NSG1: variants seen among roughly 807,000 people sequenced by gnomAD.
NSG1 encodes neuronal vesicle trafficking associated 1, also known as neuronal vesicle trafficking-associated protein 1.
NSG1 carries 9 observed loss-of-function variants against 19.3 expected under a neutral mutation model. That is an observed-to-expected ratio of 0.47 (90% confidence interval 0.28 to 0.81). The LOEUF (loss-of-function observed/expected upper bound fraction) is 0.81. Among genes scored for constraint, NSG1 ranks in the 40% least tolerant of loss-of-function variants. The probability of loss-of-function intolerance (pLI) is 0.11; values close to 1 mark genes in which losing one functional copy is unlikely to be tolerated. For missense variants in NSG1, 236 were observed against 242.4 expected, an observed-to-expected ratio of 0.97 and a Z score of 0.18; for synonymous variants, 104 against 107.0, an observed-to-expected ratio of 0.97 and a Z score of 0.17.
chr4:4,405,472 G>C (rs1248560632), intron 3 of NSG1, among the ~76,000 whole-genome samples: 4 of 152,184 alleles, frequency 2.6e-5, no homozygotes, highest in African/African-American at 9.7e-5. Flanking sequence ...CAGGGTGTAA[G>C]GCATGGTTCC....
Position 4,419,011 on chromosome 4 carries a change from A to T in NSG1, c.*1576A>T, listed in dbSNP as rs532666277. Reference sequence around the variant, plus strand: ...CTTTATTGACTGTGAATTCATTTACATGTAACTTCTGACATTTCACTCTGT... The same window carrying T: ...CTTTATTGACTGTGAATTCATTTACTTGTAACTTCTGACATTTCACTCTGT... On this transcript the variant is annotated 3_prime_UTR_variant, in exon 5 of 5. Transcript: ENST00000621129. 1.3e-5 allele frequency: 2 copies of T among 152,270 alleles called. No homozygotes were observed. The highest frequency in any genetic ancestry group is 2.9e-5 in the Non-Finnish European group (2 of 68,056). 9.4% of individuals were successfully genotyped at this position (152,270 alleles called of 1,614,324 possible).
intron 3 of NSG1, among the ~76,000 whole-genome samples, chr4:4,404,807 G>A (rs974049687): frequency 6.6e-6 from 1 of 152,172 alleles, no homozygotes; most frequent in Non-Finnish European, 1.5e-5. Flanking sequence ...TGGGCTCCTT[G>A]GTGCCTGCAT....
chr4:4,403,162 C>T (rs1459228486), intron 3 of NSG1, among the ~76,000 whole-genome samples: 1 of 152,244 alleles, frequency 6.6e-6, no homozygotes, highest in Non-Finnish European at 1.5e-5. Flanking sequence ...GTGTGAATCA[C>T]AGCCCTGCCC....
chr4:4,416,764 CT>C (rs1282054482), intron 4 of NSG1, among the ~76,000 whole-genome samples: 1 of 152,178 alleles, frequency 6.6e-6, no homozygotes, highest in Admixed American at 6.5e-5. Context: ...CCCAAGGCCC[CT>C]CTCTGCTCTG....
chr4:4,396,446 A>C (rs961841684), intron 3 of NSG1, among the ~76,000 whole-genome samples: 3 of 152,202 alleles, frequency 2.0e-5, no homozygotes, highest in Non-Finnish European at 4.4e-5. Flanking sequence ...CTCACCGGGT[A>C]CCATGTCACC....
At chr4:4,409,487 G>T (rs1003275857) in intron 3 of NSG1, 86 bp from the exon 4 acceptor site, 2 of 962,162 alleles carry the variant, frequency 2.1e-6, no homozygotes, top group Non-Finnish European at 1.7e-6. Context: ...CACATGCTGT[G>T]TGGGGGGGGG....
At chr4:4,409,122 G>C (rs181951021) in intron 3 of NSG1, among the ~76,000 whole-genome samples, 1 of 152,236 alleles carries the variant, frequency 6.6e-6, no homozygotes, top group Non-Finnish European at 1.5e-5. Flanking sequence ...GTGTCCATGC[G>C]ACACTGCGTC....
At chr4:4,410,047 G>A (rs1577293561) in intron 4 of NSG1, among the ~76,000 whole-genome samples, 1 of 152,332 alleles carries the variant, frequency 6.6e-6, no homozygotes. Context: ...GGAGAGAGAC[G>A]GGACCATGTC....
At chr4:4,411,776 A>ACACAACACAACACAACACAAC (rs1553819745) in intron 4 of NSG1, among the ~76,000 whole-genome samples, 5,588 of 132,572 alleles carry the variant, frequency 0.042, 392 homozygotes, top group African/African-American at 0.14. Flanking sequence ...AACAAAACAA[A>ACACAACACAACACAACACAAC]ACAAAACAAA....
chr4:4,395,505 G>A (rs1242249100), intron 3 of NSG1, among the ~76,000 whole-genome samples: 4 of 152,174 alleles, frequency 2.6e-5, no homozygotes, highest in Non-Finnish European at 4.4e-5. Flanking sequence ...ACAATGAGGC[G>A]TGTGTGAAGC....
At chr4:4,402,841 G>A (rs1435847022) in intron 3 of NSG1, among the ~76,000 whole-genome samples, 4 of 152,220 alleles carry the variant, frequency 2.6e-5, no homozygotes, top group Admixed American at 6.5e-5. Context: ...AGACTGCCTG[G>A]CCCACCTGGA....
In NSG1 at chr4:4,414,796, C is replaced by T. The variant is rs1034682403; in HGVS notation, c.358-2439C>T. Among the ~76,000 whole-genome samples the T allele has an allele frequency of 3.9e-5, 6 of 152,176 alleles. No homozygotes were observed. The East Asian group carries it at 7.8e-4, about 20-fold the overall frequency. On this transcript the variant is annotated intron_variant, in intron 4 of 4. Coordinates refer to ENST00000621129, the MANE Select transcript of NSG1 (RefSeq NM_014392.5). ...TACTATGTGCACACTGGACTCGACA[C>T]CTTGAGGGCAGGGACCTCAGAGCCC...
rs144849486 is a variant in NSG1, at chr4:4,407,709, A to T, written c.247-1864A>T. Reference sequence around the variant, plus strand: ...AGGCAGGGGATGAGCTGCAGTGACTAGTGTGGCTCTCCAGGCATCTGCAGC... The same window carrying T: ...AGGCAGGGGATGAGCTGCAGTGACTTGTGTGGCTCTCCAGGCATCTGCAGC... On this transcript the variant is annotated intron_variant, in intron 3 of 4. Transcript: ENST00000621129. Among the ~76,000 whole-genome samples, 311 of 152,230 alleles carry T rather than the reference A, an allele frequency of 2.0e-3. 4 individuals carry two copies. Among genetic ancestry groups the T allele is most frequent in the Admixed American group, 9.9e-3 (152 of 15,304 alleles).
rs1039475519 is a variant in NSG1 at position 4,392,925 on chromosome 4, A to C, written c.246+1334A>C. The stretch of plus-strand genomic sequence containing the variant: ...CTTTTGGTGGCTCCTGGCTCGGCCC[A>C]TCGTACGTTTTTGAGGTTCTTGGCC... On this transcript the variant is annotated intron_variant, in intron 3 of 4. Coordinates refer to ENST00000621129, the MANE Select transcript of NSG1 (RefSeq NM_014392.5). Among the ~76,000 whole-genome samples, 50 of 152,044 alleles carry C rather than the reference A, an allele frequency of 3.3e-4. No individual in the cohort carries two copies. In the Middle Eastern group the frequency reaches 0.01, roughly 31 times the overall value.
intron 3 of NSG1, among the ~76,000 whole-genome samples, chr4:4,408,039 C>T (rs1273144228): frequency 6.6e-6 from 1 of 152,148 alleles, no homozygotes; most frequent in African/African-American, 2.4e-5. Flanking sequence ...CCTGCTTCCC[C>T]AGGACCAGTG....
rs149505194 is a variant in NSG1, at chr4:4,400,942, C to T, written c.247-8631C>T. On this transcript the variant is annotated intron_variant, in intron 3 of 4. Coordinates refer to ENST00000621129, the MANE Select transcript of NSG1 (RefSeq NM_014392.5). ...GCAAGTCTATGTATTGTGTTTTACT[C>T]ATTTAAAACATCATTCTAAGGATTT... 7.4e-4 allele frequency among the ~76,000 whole-genome samples: 112 copies of T among 152,342 alleles called. 1 individual carries two copies. The highest frequency in any genetic ancestry group is 9.6e-4 in the East Asian group (5 of 5,188).
intron 3 of NSG1, among the ~76,000 whole-genome samples, chr4:4,391,866 A>G (rs1192520010): frequency 2.6e-5 from 4 of 152,278 alleles, no homozygotes; most frequent in Non-Finnish European, 5.9e-5. Flanking sequence ...GGCAAAGATT[A>G]TAAACATATG....
intron 3 of NSG1, among the ~76,000 whole-genome samples, chr4:4,404,663 C>G (rs953479188): frequency 6.6e-6 from 1 of 152,214 alleles, no homozygotes; most frequent in African/African-American, 2.4e-5. Context: ...GGAGGAAACG[C>G]CGATGTCTGG....
chr4:4,409,712 T>A, intron 4 of NSG1, 29 bp downstream of exon 4: 1 of 1,560,346 alleles, frequency 6.4e-7, no homozygotes, highest in South Asian at 1.1e-5. Flanking sequence ...CCAGAGGCCC[T>A]GGGACGCCTT....
Sources: allele counts gnomAD v4.1 joint callset (sites outside exome capture counted in the v4.1 genomes callset), GRCh38; gene constraint gnomAD v4.1.1; transcripts MANE v1.5; gene names NCBI Gene and HGNC (gene_info 2026-07-23, HGNC 2026-07-21).